Variants in STUM observed in about 807,000 individuals in gnomAD.
STUM encodes stum, mechanosensory transduction mediator homolog.
A neutral mutation model predicts 15.3 loss-of-function variants in STUM; 8 were observed. The observed-to-expected ratio is 0.52, with a 90% CI of 0.31 to 0.94. The LOEUF (loss-of-function observed/expected upper bound fraction) is 0.94. Ranked by LOEUF, STUM falls within the 40% of genes least tolerant of loss-of-function variation. STUM has a pLI of 0.05. For missense variants in STUM, 142 were observed against 204.9 expected (o/e 0.69, Z 1.87); for synonymous variants, 78 against 88.7 (o/e 0.88, Z 0.68).
chr1:226,548,966 A>T lies in STUM; in HGVS notation c.62A>T (p.Asp21Val), dbSNP rs2102681848. 1 of 1,479,810 alleles carries T rather than the reference A, an allele frequency of 6.8e-7. No homozygotes were observed. The highest frequency in any genetic ancestry group is 2.9e-5 in the East Asian group (1 of 35,030). The allele number at this position is 1,479,810 out of a possible 1,614,324, so 91.7% of individuals were successfully genotyped here. ...AAAAAAVAAA[D>V]PRGASSSSGV... ...GCGGCGGCGGCGGTGGCGGCGGCGG[A>T]CCCCCGGGGGGCGTCCTCGTCCAGC... is the stretch of plus-strand genomic sequence containing the variant. Residue 21 changes from aspartate (D) to valine (V), a missense_variant, in exon 1 of 4, where the codon GAC (aspartate) becomes GTC (valine). Physicochemically the swap from Asp to Val is radical, Grantham distance 152. Coordinates refer to ENST00000366788, the MANE Select transcript of STUM (RefSeq NM_001003665.4).
intron 1 of STUM, among the ~76,000 whole-genome samples, chr1:226,571,621 C>T (rs769160088): frequency 2.0e-5 from 3 of 151,776 alleles, no homozygotes; most frequent in Non-Finnish European, 4.4e-5. Flanking sequence ...CCCCTTGGAA[C>T]CTTCTCCCTT....
chr1:226,577,351 A>T (rs995364849), intron 1 of STUM, among the ~76,000 whole-genome samples: 3 of 128,280 alleles, frequency 2.3e-5, no homozygotes, highest in Non-Finnish European at 3.4e-5. Flanking sequence ...AAACCCGGTT[A>T]AAAAAAAAAG....
In STUM at chr1:226,600,017, G is replaced by C. The variant is rs957232413; in HGVS notation, c.383-649G>C. 3.9e-5 allele frequency among the ~76,000 whole-genome samples: 6 copies of C among 152,236 alleles called. No homozygotes were observed. The highest frequency in any genetic ancestry group is 1.4e-4 in the African/African-American group (6 of 41,456). ...TAAGCACATAGCTCAGACAGAGCCAGTGTGGGGCCAGGATGGGGCACATCA... is the reference window on the plus strand; with the variant it reads ...TAAGCACATAGCTCAGACAGAGCCACTGTGGGGCCAGGATGGGGCACATCA... On this transcript the variant is annotated intron_variant, in intron 2 of 3. Coordinates refer to ENST00000366788, the MANE Select transcript of STUM (RefSeq NM_001003665.4). This position sits in a 1 kb window ranked among gnomAD's most constrained non-coding sequence, Gnocchi z 5.2.
chr1:226,600,725 C>G lies in STUM; in HGVS notation c.391+51C>G, dbSNP rs759981428. The G allele has an allele frequency of 2.5e-6, 4 of 1,603,534 alleles. No individual in the cohort carries two copies. Among genetic ancestry groups the G allele is most frequent in the Non-Finnish European group, 3.4e-6 (4 of 1,177,028 alleles). Reference sequence around the variant, plus strand: ...CCTCGTGCTGCTGCTTGGGGCCCTCCCCTCCCCCGAGACCCCCACTCCTGC... The same window carrying G: ...CCTCGTGCTGCTGCTTGGGGCCCTCGCCTCCCCCGAGACCCCCACTCCTGC... On this transcript the variant is annotated intron_variant, in intron 3 of 3. Transcript: ENST00000366788. The surrounding 1 kb of genome is among the most constrained non-coding windows in gnomAD (Gnocchi z 5.2).
intron 3 of STUM, among the ~76,000 whole-genome samples, chr1:226,601,229 C>T (rs1309865559): frequency 1.3e-5 from 2 of 152,170 alleles, no homozygotes; most frequent in South Asian, 2.1e-4. Context: ...TGGGTTCAAG[C>T]GATTCTCCTG....
At chr1:226,561,056 T>A (rs938007581) in intron 1 of STUM, among the ~76,000 whole-genome samples, 1 of 152,166 alleles carries the variant, frequency 6.6e-6, no homozygotes, top group Non-Finnish European at 1.5e-5. Context: ...CCAACTCAAA[T>A]GCCCTCTTCC....
intron 1 of STUM, among the ~76,000 whole-genome samples, chr1:226,579,138 C>T (rs370662702): frequency 5.3e-5 from 8 of 152,150 alleles, no homozygotes; most frequent in Non-Finnish European, 7.3e-5. Context: ...GCTGTGAAGC[C>T]GGCTATGTGC....
rs183332590 is a variant in STUM, at chr1:226,603,173, T to C, written c.*1133T>C. The C allele has an allele frequency of 2.6e-5, 4 of 152,330 alleles. No homozygotes were observed. The East Asian group carries it at 7.7e-4, about 29-fold the overall frequency. 9.4% of individuals were successfully genotyped at this position (152,330 alleles called of 1,614,324 possible). A position where few individuals can be genotyped will look rare whatever the true frequency, so the allele number is the denominator to read the frequency against. On this transcript the variant is annotated 3_prime_UTR_variant, in exon 4 of 4. Transcript: ENST00000366788. ...AATTGTATGGGGTTGTGGACCTTGA[T>C]CTGAAAATCCTGCTTGCAAACAGAT...
At chr1:226,574,254 T>A (rs1667767950) in intron 1 of STUM, among the ~76,000 whole-genome samples, 1 of 152,254 alleles carries the variant, frequency 6.6e-6, no homozygotes, top group Non-Finnish European at 1.5e-5. Context: ...TCACCAGCTA[T>A]CTGACCCTGG....
chr1:226,589,774 C>A (rs1473103107), intron 1 of STUM, among the ~76,000 whole-genome samples: 1 of 152,160 alleles, frequency 6.6e-6, no homozygotes, highest in Non-Finnish European at 1.5e-5. Flanking sequence ...CTGCAGAGGA[C>A]CATCTCCCCG....
At chr1:226,557,909 G>T (rs961717359) in intron 1 of STUM, among the ~76,000 whole-genome samples, 4 of 152,154 alleles carry the variant, frequency 2.6e-5, no homozygotes, top group African/African-American at 9.7e-5. Flanking sequence ...ATTAGATTCT[G>T]AAAAAGCATT....
intron 1 of STUM, among the ~76,000 whole-genome samples, chr1:226,592,763 A>G (rs751208499): frequency 7.2e-5 from 11 of 152,196 alleles, no homozygotes; most frequent in Non-Finnish European, 1.6e-4. Flanking sequence ...GGTGGCACAC[A>G]CTTCCTAATA....
At position 226,608,074 on chromosome 1, in the gene STUM, G is replaced by A. The variant is rs1327737558; in HGVS notation, c.*6034G>A. ...CCTGTCTCCAGGGCCCTAGCCTGTG[G>A]ATCTCTTCCTCCCATGCACTCCTAG... is the stretch of plus-strand genomic sequence containing the variant. On this transcript the variant is annotated 3_prime_UTR_variant, in exon 4 of 4. Transcript: ENST00000366788. The surrounding 1 kb of genome is among the most constrained non-coding windows in gnomAD (Gnocchi z 4.0). The A allele has an allele frequency of 6.6e-6, 1 of 152,316 alleles. No individual in the cohort carries two copies. The highest frequency in any genetic ancestry group is 1.5e-5 in the Non-Finnish European group (1 of 68,124). The allele number at this position is 152,316 out of a possible 1,614,324, so 9.4% of individuals were successfully genotyped here.
At chr1:226,588,091 A>T (rs943781859) in intron 1 of STUM, among the ~76,000 whole-genome samples, 15 of 152,156 alleles carry the variant, frequency 9.9e-5, no homozygotes, top group Non-Finnish European at 2.1e-4. Flanking sequence ...GATGATGAGG[A>T]TGCTAGAACT....
At chr1:226,560,697 G>A (rs1314498569) in intron 1 of STUM, among the ~76,000 whole-genome samples, 4 of 152,130 alleles carry the variant, frequency 2.6e-5, no homozygotes, top group Non-Finnish European at 4.4e-5. Flanking sequence ...AGAAGGGAGC[G>A]CCGACAGCAG....
chr1:226,573,010 A>T (rs1353578245), intron 1 of STUM, among the ~76,000 whole-genome samples: 1 of 152,198 alleles, frequency 6.6e-6, no homozygotes. Flanking sequence ...AAGCAGTAGG[A>T]TGAAGATCAT....
At chr1:226,558,029 T>C (rs955572253) in intron 1 of STUM, among the ~76,000 whole-genome samples, 1 of 152,196 alleles carries the variant, frequency 6.6e-6, no homozygotes, top group Middle Eastern at 3.2e-3. Context: ...CAGCTAACGT[T>C]ATACTCAACG....
At position 226,602,268 on chromosome 1, in the gene STUM, C is replaced by T. The variant is rs41303099; in HGVS notation, c.*228C>T. On this transcript the variant is annotated 3_prime_UTR_variant, in exon 4 of 4. Transcript: ENST00000366788. Reference sequence around the variant, plus strand: ...TGGAAAGCACTGTGGGCGCAGGCACCAGAGCATCAGAGAGTGGGGTGGAGA... The same window carrying T: ...TGGAAAGCACTGTGGGCGCAGGCACTAGAGCATCAGAGAGTGGGGTGGAGA... 2.9e-4 allele frequency: 158 copies of T among 551,630 alleles called. No homozygotes were observed. Among genetic ancestry groups the T allele is most frequent in the Non-Finnish European group, 4.4e-4 (137 of 308,358 alleles). 34.2% of individuals were successfully genotyped at this position (551,630 alleles called of 1,614,324 possible).
chr1:226,592,757 G>T (rs1668110549), intron 1 of STUM, among the ~76,000 whole-genome samples: 1 of 152,152 alleles, frequency 6.6e-6, no homozygotes, highest in Middle Eastern at 3.2e-3. Context: ...AAGAATGGTG[G>T]CACACACTTC....
Sources: gnomAD v4.1 joint callset for allele counts (sites outside exome capture counted in the v4.1 genomes callset) on GRCh38, gnomAD v4.1.1 for gene constraint, Gnocchi (gnomAD v3.1) non-coding constraint, MANE v1.5 for transcripts, NCBI Gene and HGNC (gene_info 2026-07-23, HGNC 2026-07-21) for gene names.